The following CPZ variants were observed in gnomAD, a reference collection of about 807,000 sequenced individuals.
The protein encoded by CPZ is carboxypeptidase Z.
In CPZ, 103 loss-of-function variants were observed where a neutral mutation model predicts 61.8. The observed-to-expected ratio is 1.67, with a 90% CI of 1.42 to 1.96. The LOEUF is 1.96. CPZ is among the 30% of genes most tolerant of loss of function. The probability of loss-of-function intolerance (pLI) is 0.00; values close to 1 mark genes in which losing one functional copy is unlikely to be tolerated. For missense variants in CPZ, 1,461 were observed against 914.9 expected (o/e 1.60, Z -7.70); for synonymous variants, 551 against 373.7 (o/e 1.47, Z -5.47).
At chr4:8,608,697 A>T (rs934828074) in intron 7 of CPZ, among the ~76,000 whole-genome samples, 12 of 150,862 alleles carry the variant, frequency 8.0e-5, no homozygotes, top group Non-Finnish European at 1.0e-4. Flanking sequence ...GGGAACCCCC[A>T]GCCTGGTCTG....
At chr4:8,608,085 A>G (rs1324345915) in intron 7 of CPZ, among the ~76,000 whole-genome samples, 1 of 151,330 alleles carries the variant, frequency 6.6e-6, no homozygotes, top group Non-Finnish European at 1.5e-5. Context: ...CACTGTGGAT[A>G]AGAAAGCGGA....
chr4:8,597,526 C>A (rs1315022015), intron 1 of CPZ: 3 of 152,228 alleles, frequency 2.0e-5, no homozygotes, highest in African/African-American at 7.2e-5. Flanking sequence ...TGACAGTCAT[C>A]CAGGGGGACT....
At chr4:8,601,599 T>A in intron 3 of CPZ, 102 bp downstream of exon 3, 2 of 1,250,706 alleles carry the variant, frequency 1.6e-6, no homozygotes, top group South Asian at 1.8e-5. Context: ...CCATCGACAG[T>A]GACGGTGCAG....
At chr4:8,605,630 G>C (rs533230572) in intron 4 of CPZ, among the ~76,000 whole-genome samples, 2,101 of 108,930 alleles carry the variant, frequency 0.019, 52 homozygotes, top group African/African-American at 0.074. Context: ...ATCCATCATT[G>C]ATATATCCAT....
chr4:8,607,425 G>T lies in CPZ; in HGVS notation c.1227G>T (p.Lys409Asn). The T allele has an allele frequency of 6.2e-7, 1 of 1,613,858 alleles. No homozygotes were observed. Among genetic ancestry groups the T allele is most frequent in the Non-Finnish European group, 8.5e-7 (1 of 1,179,892 alleles). ...EKMFSPTPDE[K>N]MFKLLSRAYA... ...TGTTTTCTCCCACGCCCGACGAGAA[G>T]GTGAGAGGGCTGTCGGGTGTGTGCA... Residue 409 changes from lysine (K) to asparagine (N), a missense_variant and splice_region_variant, in exon 7 of 11, where the codon AAG (lysine) becomes AAT (asparagine). Physicochemically the swap from Lys to Asn is moderately conservative, Grantham distance 94. Coordinates refer to ENST00000360986, the MANE Select transcript of CPZ (RefSeq NM_001014447.3).
chr4:8,605,236 AGAG>A (rs1350743924), intron 4 of CPZ, among the ~76,000 whole-genome samples: 2 of 151,758 alleles, frequency 1.3e-5, no homozygotes, highest in African/African-American at 2.4e-5. Context: ...CGAGGCTTAG[AGAG>A]GAGGAGTGAC....
chr4:8,619,698 CCA>C lies in CPZ; in HGVS notation c.*84_*85del. 9.5e-7 allele frequency: 1 copy of C among 1,057,796 alleles called. No individual in the cohort carries two copies. The highest frequency in any genetic ancestry group is 1.6e-5 in the African/African-American group (1 of 61,886). 65.5% of individuals were successfully genotyped at this position (1,057,796 alleles called of 1,614,324 possible). ...GGCTCCTGGCTCTTGATTTTGTCTG[CCA>C]CAGACATCCCACAAAGCCGCTGCCA... On this transcript the variant is annotated 3_prime_UTR_variant, in exon 11 of 11. Transcript: ENST00000360986.
At chr4:8,604,385 T>C (rs530362064) in intron 4 of CPZ, among the ~76,000 whole-genome samples, 197 bp downstream of exon 4, 1 of 152,368 alleles carries the variant, frequency 6.6e-6, no homozygotes, top group East Asian at 1.9e-4. Flanking sequence ...TCTCCAGATA[T>C]CCATCTTACT....
Position 8,612,137 on chromosome 4 carries a change from G to C in CPZ, c.1338G>C (p.Gly446=). The change falls in exon 8 of 11, where the codon GGG becomes GGC. Residue 446 remains glycine, a synonymous_variant. Coordinates refer to ENST00000360986, the MANE Select transcript of CPZ (RefSeq NM_001014447.3). ...NFLKRGSIIN[G]ADWYSFTGGM... is the part of the protein sequence containing the mutation. ...TGAAGAGGGGGAGCATCATCAACGG[G>C]GCGGACTGGTACAGCTTCACGGGAG... is the stretch of plus-strand genomic sequence containing the variant. 1 of 1,599,498 alleles carries C rather than the reference G, an allele frequency of 6.3e-7. No homozygotes were observed. The highest frequency in any genetic ancestry group is 1.1e-5 in the South Asian group (1 of 89,512).
intron 8 of CPZ, 129 bp downstream of exon 8, chr4:8,612,291 C>T (rs956442949): frequency 1.0e-5 from 8 of 777,592 alleles, no homozygotes; most frequent in Non-Finnish European, 1.4e-5. Flanking sequence ...CAGGGCGATG[C>T]CTCACCTGGT....
Position 8,619,380 on chromosome 4 carries a change from T to G in CPZ, c.1722T>G (p.Ala574=). The G allele has an allele frequency of 6.2e-7, 1 of 1,614,222 alleles. No homozygotes were observed. Among genetic ancestry groups the G allele is most frequent in the Admixed American group, 1.7e-5 (1 of 60,022 alleles). ...TCATCCCCGCCCGGATGAAGAGGGCTGGCCGTGTGGACTTCATTCTGCAAC... is the reference window on the plus strand; with the variant it reads ...TCATCCCCGCCCGGATGAAGAGGGCGGGCCGTGTGGACTTCATTCTGCAAC... The part of the protein sequence containing the change: ...KVIIPARMKR[A]GRVDFILQPL... The change falls in exon 11 of 11, where the codon GCT becomes GCG. Residue 574 remains alanine, a synonymous_variant. Transcript: ENST00000360986.
Position 8,609,043 on chromosome 4 carries a change from ACTCCCTCCCTCC to A in CPZ, c.1227+1622_1227+1633del, listed in dbSNP as rs1169942442. On this transcript the variant is annotated intron_variant, in intron 7 of 10. Coordinates refer to ENST00000360986, the MANE Select transcript of CPZ (RefSeq NM_001014447.3). ...AACTCACTCCTTCACTCACCCATTC[ACTCCCTCCCTCC>A]CTCACTCCCTCACTCACCACTCATA... 4.9e-4 allele frequency among the ~76,000 whole-genome samples: 69 copies of A among 141,684 alleles called. 2 individuals carry two copies. The highest frequency in any genetic ancestry group is 3.7e-3 in the Middle Eastern group (1 of 270). The allele number at this position is 141,684 out of a possible 152,430, so 93.0% of individuals were successfully genotyped here. A position where few individuals can be genotyped will look rare whatever the true frequency, so the allele number is the denominator to read the frequency against.
chr4:8,610,862 C>G (rs942554065), intron 7 of CPZ, among the ~76,000 whole-genome samples: 3 of 152,202 alleles, frequency 2.0e-5, no homozygotes, highest in African/African-American at 4.8e-5. Context: ...CACAGCCTCA[C>G]TTCTGAGAAG....
intron 1 of CPZ, 134 bp downstream of exon 1, chr4:8,593,055 C>T (rs1713913413): frequency 1.5e-6 from 1 of 674,328 alleles, no homozygotes; most frequent in Non-Finnish European, 2.4e-6. Flanking sequence ...AGAACGTCTC[C>T]AAAGTGGGCA....
At position 8,612,162 on chromosome 4, in the gene CPZ, G is replaced by C; in HGVS notation, c.1363G>C (p.Gly455Arg). ...GGCGGACTGGTACAGCTTCACGGGA[G>C]GTGCGGCTTCCGCAGGGCGGGACTG... ...NGADWYSFTG[G>R]MSDFNYLHTN... Residue 455 changes from glycine (G) to arginine (R), a missense_variant and splice_region_variant, in exon 8 of 11, where the codon GGC becomes CGC. Transcript: ENST00000360986. The C allele has an allele frequency of 6.7e-7, 1 of 1,488,930 alleles. No individual in the cohort carries two copies. The highest frequency in any genetic ancestry group is 2.0e-4 in the Middle Eastern group (1 of 4,940). 92.2% of individuals were successfully genotyped at this position (1,488,930 alleles called of 1,614,324 possible). A position where few individuals can be genotyped will look rare whatever the true frequency, so the allele number is the denominator to read the frequency against.
At chr4:8,610,128 A>C (rs970216436) in intron 7 of CPZ, among the ~76,000 whole-genome samples, 1 of 152,216 alleles carries the variant, frequency 6.6e-6, no homozygotes, top group African/African-American at 2.4e-5. Context: ...TTCCTGGGGC[A>C]GGAGCTGGGT....
chr4:8,606,176 A>G lies in CPZ; in HGVS notation c.897A>G (p.Ala299=). The G allele has an allele frequency of 6.2e-7, 1 of 1,613,672 alleles. No homozygotes were observed. The part of the protein sequence containing the change: ...PSMNPDGYEV[A]AAEGAGYNGW... ...TGAACCCTGACGGCTATGAGGTGGC[A>G]GCTGCCGAGGTGAGCGCCCAGATGC... The change falls in exon 5 of 11, where the codon GCA becomes GCG. Residue 299 remains alanine, a synonymous_variant. Transcript: ENST00000360986.
chr4:8,619,023 G>T (rs867916431), intron 10 of CPZ, among the ~76,000 whole-genome samples: 4 of 152,266 alleles, frequency 2.6e-5, no homozygotes, highest in African/African-American at 4.8e-5. Flanking sequence ...GGGTATGGGG[G>T]GTGGGAGTGG....
intron 9 of CPZ, among the ~76,000 whole-genome samples, chr4:8,615,098 G>C (rs1431955464): frequency 6.6e-6 from 1 of 152,094 alleles, no homozygotes; most frequent in Non-Finnish European, 1.5e-5. Flanking sequence ...AGAGTGAAGG[G>C]TATAGGCAGG....
Sources: gnomAD v4.1 joint callset for allele counts (sites outside exome capture counted in the v4.1 genomes callset) on GRCh38, gnomAD v4.1.1 for gene constraint, MANE v1.5 for transcripts, NCBI Gene and HGNC (gene_info 2026-07-23, HGNC 2026-07-21) for gene names.